The following MDGA2 variants were observed in gnomAD, a reference collection of about 807,000 sequenced individuals.
MDGA2 encodes MAM domain containing glycosylphosphatidylinositol anchor 2, also known as MAM domain-containing glycosylphosphatidylinositol anchor protein 2.
In MDGA2, 40 loss-of-function variants were observed where a neutral mutation model predicts 117.8. The ratio of observed to expected loss-of-function variants is 0.34; its 90% CI spans 0.26 to 0.44. The LOEUF (loss-of-function observed/expected upper bound fraction) is 0.44, where lower values mean the gene tolerates loss of function less well. MDGA2 is among the 20% of genes least tolerant of loss of function. The pLI, the probability that MDGA2 is intolerant of heterozygous loss-of-function variation, is 1.00. For missense variants in MDGA2, 1,123 were observed against 1,250.6 expected, an observed-to-expected ratio of 0.90 and a Z score of 1.54; for synonymous variants, 452 against 439.0, an observed-to-expected ratio of 1.03 and a Z score of -0.37.
At chr14:47,181,543 T>A (rs993506745) in intron 3 of MDGA2, among the ~76,000 whole-genome samples, 5 of 152,270 alleles carry the variant, frequency 3.3e-5, no homozygotes, top group African/African-American at 1.2e-4. Context: ...CTTTCATTTA[T>A]ATCACTATGC....
At chr14:47,170,149 G>A (rs905853267) in intron 3 of MDGA2, among the ~76,000 whole-genome samples, 2 of 152,056 alleles carry the variant, frequency 1.3e-5, no homozygotes, top group Non-Finnish European at 2.9e-5. Flanking sequence ...AATCCCAGGG[G>A]TTGGCACCTT....
At chr14:47,180,481 A>T (rs189662420) in intron 3 of MDGA2, among the ~76,000 whole-genome samples, 37 of 152,308 alleles carry the variant, frequency 2.4e-4, no homozygotes, top group Non-Finnish European at 7.3e-5. Flanking sequence ...AGCATCTATA[A>T]GGAACCTAAA....
At position 47,035,167 on chromosome 14, in the gene MDGA2, T is replaced by C. The variant is rs755241189; in HGVS notation, c.1663A>G (p.Met555Val). The change falls in exon 8 of 17, where the codon ATG becomes GTG. Residue 555 changes from methionine (M) to valine (V), a missense_variant. Physicochemically the swap from Met to Val is conservative, Grantham distance 21. This residue lies in a region of MDGA2 where 890 missense variants were observed against 1,050.3 expected (regional missense o/e 0.85). Coordinates refer to ENST00000399232, the MANE Select transcript of MDGA2 (RefSeq NM_001113498.3). ...TCCATTTGCATTGATCCATCAGGCATTGCAACTTCTTTATCCGCTCTAGAC... is the reference window on the plus strand; with the variant it reads ...TCCATTTGCATTGATCCATCAGGCACTGCAACTTCTTTATCCGCTCTAGAC... ...LWSRADKEVA[M>V]PDGSMQMESY... 8 of 1,614,040 alleles carry C rather than the reference T, an allele frequency of 5.0e-6. No individual in the cohort carries two copies. Among genetic ancestry groups the C allele is most frequent in the African/African-American group, 4.0e-5 (3 of 74,928 alleles).
chr14:47,161,055 A>G (rs1234399804), intron 3 of MDGA2, among the ~76,000 whole-genome samples: 8 of 152,082 alleles, frequency 5.3e-5, no homozygotes, highest in African/African-American at 1.9e-4. Context: ...TAGAATTACA[A>G]GAGGTTTGTC....
In MDGA2 at chr14:46,884,540, C is replaced by T. The variant is rs1316104723; in HGVS notation, c.2239-2319G>A. The stretch of plus-strand genomic sequence containing the variant: ...CCTAATTATACAGTCTTGACTGCTA[C>T]ATTTCTGGAAATAAAAACTACAATA... On this transcript the variant is annotated intron_variant, in intron 10 of 16. Transcript: ENST00000399232. The surrounding 1 kb of genome is among the most constrained non-coding windows in gnomAD (Gnocchi z 4.1). Among the ~76,000 whole-genome samples the T allele has an allele frequency of 6.6e-6, 1 of 152,104 alleles. No individual in the cohort carries two copies. The highest frequency in any genetic ancestry group is 1.5e-5 in the Non-Finnish European group (1 of 68,012).
At chr14:47,038,453 A>G (rs917075509) in intron 7 of MDGA2, among the ~76,000 whole-genome samples, 1 of 152,186 alleles carries the variant, frequency 6.6e-6, no homozygotes, top group Non-Finnish European at 1.5e-5. Context: ...ATCATGCTAA[A>G]TATTTCAAAT....
intron 1 of MDGA2, among the ~76,000 whole-genome samples, chr14:47,616,914 T>C (rs1896956992): frequency 6.6e-6 from 1 of 152,166 alleles, no homozygotes. Context: ...AAAAATTTAC[T>C]TCCTCATTCT....
At position 46,937,216 on chromosome 14, in the gene MDGA2, C is replaced by G. The variant is rs537675952; in HGVS notation, c.2090-17056G>C. On this transcript the variant is annotated intron_variant, in intron 9 of 16. Transcript: ENST00000399232. ...AACAGGCACACCGCTCCCCCGACAC[C>G]CCCCCCAACACAAATACCTGAAACA... Among the ~76,000 whole-genome samples, 571 of 148,028 alleles carry G rather than the reference C, an allele frequency of 3.9e-3. 3 individuals are homozygous for G. Among genetic ancestry groups the G allele is most frequent in the Non-Finnish European group, 6.0e-3 (399 of 66,916 alleles).
At chr14:47,178,180 A>G (rs952620668) in intron 3 of MDGA2, among the ~76,000 whole-genome samples, 1 of 152,190 alleles carries the variant, frequency 6.6e-6, no homozygotes, top group African/African-American at 2.4e-5. Context: ...AATTCATTTG[A>G]AAAGGACCAT....
chr14:47,071,172 C>T (rs1326853233), intron 6 of MDGA2, among the ~76,000 whole-genome samples: 1 of 152,188 alleles, frequency 6.6e-6, no homozygotes. Context: ...TTACAACACA[C>T]ACACACCCCA....
Position 46,845,781 on chromosome 14 carries a change from C to T in MDGA2, c.2974G>A (p.Asp992Asn). 6.2e-7 allele frequency: 1 copy of T among 1,611,684 alleles called. No individual in the cohort carries two copies. ...SIAEGECAKQ[D>N]LATKNSVDGA... ...AGATACTTACTCTTAGTTGCTAGGT[C>T]TTGTTTTGCACATTCTCCTTCTGCA... The change falls in exon 16 of 17, where the codon GAC becomes AAC. Residue 992 changes from aspartate to asparagine, a missense_variant. Physicochemically the swap from Asp to Asn is conservative, Grantham distance 23 (BLOSUM62 1). Coordinates refer to ENST00000399232, the MANE Select transcript of MDGA2 (RefSeq NM_001113498.3).
intron 1 of MDGA2, among the ~76,000 whole-genome samples, chr14:47,323,103 G>C (rs1475385547): frequency 7.3e-6 from 1 of 137,338 alleles, no homozygotes; most frequent in African/African-American, 2.7e-5. Flanking sequence ...TTCCTGGAAT[G>C]AACTTTGTTA....
chr14:47,560,938 T>G (rs1290098150), intron 1 of MDGA2, among the ~76,000 whole-genome samples: 2 of 152,130 alleles, frequency 1.3e-5, no homozygotes, highest in African/African-American at 2.4e-5. Context: ...CAGCATCATT[T>G]ATTGAATACA....
At chr14:47,503,421 C>CTT (rs1180360462) in intron 1 of MDGA2, among the ~76,000 whole-genome samples, 4,890 of 133,664 alleles carry the variant, frequency 0.037, 377 homozygotes, top group African/African-American at 0.13. Context: ...CCTCTACTAC[C>CTT]TTTTTTTTTT....
intron 1 of MDGA2, among the ~76,000 whole-genome samples, chr14:47,548,866 G>A (rs1176606779): frequency 2.0e-5 from 3 of 151,982 alleles, no homozygotes; most frequent in East Asian, 3.9e-4. Context: ...GTTGTAGTCA[G>A]TCTATTGTTT....
chr14:47,616,760 C>G (rs1896954352), intron 1 of MDGA2, among the ~76,000 whole-genome samples: 1 of 152,126 alleles, frequency 6.6e-6, no homozygotes, highest in Non-Finnish European at 1.5e-5. Flanking sequence ...TTTGTATGAG[C>G]TCATATATAA....
At chr14:47,333,659 T>C (rs1890356401) in intron 1 of MDGA2, among the ~76,000 whole-genome samples, 1 of 151,730 alleles carries the variant, frequency 6.6e-6, no homozygotes. Context: ...ACAACACAAA[T>C]AAGTCTTTCT....
At chr14:46,956,846 C>T (rs1885580625) in intron 9 of MDGA2, among the ~76,000 whole-genome samples, 1 of 152,034 alleles carries the variant, frequency 6.6e-6, no homozygotes, top group African/African-American at 2.4e-5. Context: ...TGGATTTCCC[C>T]CTTGCTGTTC....
intron 1 of MDGA2, among the ~76,000 whole-genome samples, chr14:47,673,664 G>GTGTA (rs1298425673): frequency 6.8e-6 from 1 of 146,114 alleles, no homozygotes; most frequent in East Asian, 2.0e-4. Context: ...GTGTGTGTGT[G>GTGTA]TGTGTGCTTC....
Sources: allele counts gnomAD v4.1 joint callset (sites outside exome capture counted in the v4.1 genomes callset), GRCh38; gene constraint gnomAD v4.1.1; regional missense constraint gnomAD v4.1.1; non-coding constraint Gnocchi (gnomAD v3.1); transcripts MANE v1.5; gene names NCBI Gene and HGNC (gene_info 2026-07-23, HGNC 2026-07-21).